The following ABCA13 variants were observed in gnomAD, a reference collection of about 807,000 sequenced individuals.
The protein encoded by ABCA13 is ATP binding cassette subfamily A member 13, also known as ATP-binding cassette sub-family A member 13.
A neutral mutation model predicts 478.7 loss-of-function variants in ABCA13; 476 were observed. The observed-to-expected ratio is 0.99, with a 90% CI of 0.92 to 1.07. The LOEUF (loss-of-function observed/expected upper bound fraction) is 1.07, where lower values mean the gene tolerates loss of function less well. Ranked by LOEUF, ABCA13 falls within the 50% of genes least tolerant of loss-of-function variation. The probability of loss-of-function intolerance (pLI) is 0.00; values close to 1 mark genes in which losing one functional copy is unlikely to be tolerated. For synonymous variants in ABCA13, 2,252 were observed against 2,158.9 expected, an observed-to-expected ratio of 1.04 and a Z score of -1.20; for missense variants, 6,060 against 5,910.6, an observed-to-expected ratio of 1.03 and a Z score of -0.83.
chr7:48,326,212 G>GA (rs1804307652), intron 27 of ABCA13, among the ~76,000 whole-genome samples: 2 of 152,104 alleles, frequency 1.3e-5, no homozygotes, highest in African/African-American at 4.8e-5. Context: ...ATCTGGAAGA[G>GA]AAAATCCCTC....
At chr7:48,462,788 C>T (rs960617055) in intron 43 of ABCA13, among the ~76,000 whole-genome samples, 4 of 152,138 alleles carry the variant, frequency 2.6e-5, no homozygotes, top group Admixed American at 2.0e-4. Context: ...GGATTACAGG[C>T]GTGAGCCACC....
At chr7:48,249,053 C>T (rs910801029) in intron 14 of ABCA13, among the ~76,000 whole-genome samples, 159 bp from the exon 15 acceptor site, 12 of 151,936 alleles carry the variant, frequency 7.9e-5, no homozygotes. Context: ...TGTAAACAAA[C>T]TTAAAAAATT....
In ABCA13 at chr7:48,182,637, G is replaced by A. The variant is rs537846127; in HGVS notation, c.70-10322G>A. Among the ~76,000 whole-genome samples, 5 of 152,116 alleles carry A rather than the reference G, an allele frequency of 3.3e-5. No individual in the cohort carries two copies. In the South Asian group the frequency reaches 1.0e-3, roughly 32 times the overall value. On this transcript the variant is annotated intron_variant, in intron 1 of 61. Coordinates refer to ENST00000435803, the MANE Select transcript of ABCA13 (RefSeq NM_152701.5). ...AAAAGCAATTATTTTTCAATAGAAAGCCAAAAAACAACCCTACTCCTCACA... is the reference window on the plus strand; with the variant it reads ...AAAAGCAATTATTTTTCAATAGAAAACCAAAAAACAACCCTACTCCTCACA...
chr7:48,194,841 T>C (rs1354450385), intron 2 of ABCA13, among the ~76,000 whole-genome samples: 1 of 116,254 alleles, frequency 8.6e-6, no homozygotes, highest in Non-Finnish European at 1.7e-5. Context: ...AAAAAGCTTT[T>C]CAGGGTTTCT....
intron 57 of ABCA13, among the ~76,000 whole-genome samples, chr7:48,588,606 C>T (rs1161755475): frequency 6.6e-6 from 1 of 152,204 alleles, no homozygotes; most frequent in Admixed American, 6.5e-5. Flanking sequence ...AACACTTGGC[C>T]TTGTATGTTC....
At position 48,193,007 on chromosome 7, in the gene ABCA13, C is replaced by A; in HGVS notation, c.118C>A (p.Leu40Met). ...FFWPCILFVI[L>M]TVLRFQEPPR... ...CTGGCCTTGTATCCTGTTTGTAATT[C>A]TGACAGTTCTTCGTTTTCAAGAACC... Residue 40 changes from leucine (L) to methionine (M), a missense_variant, in exon 2 of 62, where the codon CTG (leucine) becomes ATG (methionine). Leu to Met is a conservative substitution (Grantham distance 15). Transcript: ENST00000435803. 6.6e-7 allele frequency: 1 copy of A among 1,505,048 alleles called. No homozygotes were observed. Among genetic ancestry groups the A allele is most frequent in the Non-Finnish European group, 8.8e-7 (1 of 1,131,114 alleles). The allele number at this position is 1,505,048 out of a possible 1,614,324, so 93.2% of individuals were successfully genotyped here.
At chr7:48,442,304 G>A (rs1180160321) in intron 42 of ABCA13, among the ~76,000 whole-genome samples, 2 of 152,148 alleles carry the variant, frequency 1.3e-5, no homozygotes, top group Admixed American at 1.3e-4. Flanking sequence ...TTAAACAACA[G>A]ACATTCATTT....
chr7:48,439,635 A>G (rs1029949458), intron 42 of ABCA13, among the ~76,000 whole-genome samples: 1 of 152,186 alleles, frequency 6.6e-6, no homozygotes, highest in African/African-American at 2.4e-5. Flanking sequence ...GTAATACTAT[A>G]TAATTCCTTT....
chr7:48,565,464 A>C (rs150104130), intron 55 of ABCA13, among the ~76,000 whole-genome samples: 1 of 152,100 alleles, frequency 6.6e-6, no homozygotes, highest in Non-Finnish European at 1.5e-5. Flanking sequence ...ATGTTTAAAT[A>C]CCAATCTGAA....
At chr7:48,293,177 C>T (rs11771204) in intron 20 of ABCA13, among the ~76,000 whole-genome samples, 5,164 of 143,662 alleles carry the variant, frequency 0.036, 222 homozygotes, top group Admixed American at 0.11. Flanking sequence ...TTCATCATTT[C>T]CTGAGAAGTC....
chr7:48,211,519 G>A (rs572731527), intron 3 of ABCA13, among the ~76,000 whole-genome samples: 18 of 152,258 alleles, frequency 1.2e-4, no homozygotes, highest in Admixed American at 2.0e-4. Context: ...ATTGGGGGAG[G>A]GGTGATGCAG....
intron 35 of ABCA13, among the ~76,000 whole-genome samples, chr7:48,382,576 ATTG>A (rs1025395059): frequency 5.1e-4 from 78 of 152,260 alleles, no homozygotes; most frequent in African/African-American, 1.8e-3. Flanking sequence ...TAAAACATTA[ATTG>A]TTGTTTGTCT....
intron 48 of ABCA13, among the ~76,000 whole-genome samples, chr7:48,502,062 G>A (rs1830799761): frequency 6.6e-6 from 1 of 152,190 alleles, no homozygotes; most frequent in African/African-American, 2.4e-5. Flanking sequence ...CTAAAATGCT[G>A]AAAGCTGACT....
At chr7:48,317,650 G>C (rs554828736) in intron 27 of ABCA13, among the ~76,000 whole-genome samples, 1 of 152,272 alleles carries the variant, frequency 6.6e-6, no homozygotes, top group East Asian at 1.9e-4. Flanking sequence ...TGTTTTGCTT[G>C]GTGCATCCAA....
chr7:48,194,535 G>A (rs1456143405), intron 2 of ABCA13, among the ~76,000 whole-genome samples: 1 of 152,102 alleles, frequency 6.6e-6, no homozygotes, highest in African/African-American at 2.4e-5. Flanking sequence ...GGACCATTTT[G>A]TTTTTCTGGG....
In ABCA13 at chr7:48,272,757, C is replaced by G. The variant is rs201957761; in HGVS notation, c.3091C>G (p.Gln1031Glu). The G allele has an allele frequency of 1.1e-4, 181 of 1,607,862 alleles. No homozygotes were observed. The highest frequency in any genetic ancestry group is 1.5e-4 in the Non-Finnish European group (175 of 1,176,394). ...GGGAATTTCTAATGTATCTTACTGT[C>G]AGCAATTGCTTTCAATTTTTAACTT... ...LGGISNVSYC[Q>E]QLLSIFNFLE... Residue 1031 changes from glutamine to glutamate, a missense_variant, in exon 17 of 62, where the codon CAG becomes GAG. Gln to Glu is a conservative substitution (Grantham distance 29, BLOSUM62 2). Transcript: ENST00000435803.
intron 1 of ABCA13, among the ~76,000 whole-genome samples, chr7:48,180,991 G>A (rs1795618079): frequency 6.6e-6 from 1 of 152,094 alleles, no homozygotes. Context: ...AAAAATCCCA[G>A]ATTCTAAGTA....
chr7:48,330,753 C>T (rs1563065267), intron 27 of ABCA13, among the ~76,000 whole-genome samples: 1 of 151,420 alleles, frequency 6.6e-6, no homozygotes, highest in Non-Finnish European at 1.5e-5. Flanking sequence ...ATCCATCCAT[C>T]CATCCATCCA....
chr7:48,222,319 G>T (rs1362690567), intron 5 of ABCA13, among the ~76,000 whole-genome samples: 1 of 152,118 alleles, frequency 6.6e-6, no homozygotes, highest in African/African-American at 2.4e-5. Flanking sequence ...ATTTAAAAAA[G>T]AAATTATAAT....
Sources: allele counts gnomAD v4.1 joint callset (sites outside exome capture counted in the v4.1 genomes callset), GRCh38; gene constraint gnomAD v4.1.1; transcripts MANE v1.5; gene names NCBI Gene and HGNC (gene_info 2026-07-23, HGNC 2026-07-21).